Variants in AGMO observed in about 807,000 individuals in gnomAD.
The protein encoded by AGMO is alkylglycerol monooxygenase.
Under a neutral mutation model 60.2 loss-of-function variants are expected in AGMO, and 75 were observed. The ratio of observed to expected loss-of-function variants is 1.25; its 90% CI spans 1.03 to 1.51. The LOEUF is 1.51. AGMO is among the 40% of genes most tolerant of loss of function. The pLI, the probability that AGMO is intolerant of heterozygous loss-of-function variation, is 0.00. For synonymous variants in AGMO, 261 were observed against 177.1 expected (o/e 1.47, Z -3.76); for missense variants, 763 against 525.5 (o/e 1.45, Z -4.42).
intron 3 of AGMO, among the ~76,000 whole-genome samples, chr7:15,478,036 T>C (rs11766612): frequency 0.2 from 30,025 of 152,012 alleles, 3,790 homozygotes; most frequent in African/African-American, 0.36. Flanking sequence ...AAGGGACACA[T>C]ATTCTTCAGA....
chr7:15,554,939 A>T (rs1433591163), intron 2 of AGMO, among the ~76,000 whole-genome samples: 4 of 151,920 alleles, frequency 2.6e-5, no homozygotes, highest in African/African-American at 9.7e-5. Flanking sequence ...AAGCTGAATG[A>T]GCCCTAAAAC....
the AGMO span, among the ~76,000 whole-genome samples, chr7:15,183,672 CA>C: frequency 6.6e-6 from 1 of 152,168 alleles, no homozygotes; most frequent in African/African-American, 2.4e-5. Flanking sequence ...AGATGGAAGT[CA>C]TTGCTACTTA....
intron 12 of AGMO, among the ~76,000 whole-genome samples, chr7:15,323,192 C>G (rs1178268990): frequency 2.0e-5 from 3 of 151,994 alleles, no homozygotes; most frequent in African/African-American, 7.2e-5. Context: ...TTGTTTCTCA[C>G]AGTGCAGATG....
intron 10 of AGMO, among the ~76,000 whole-genome samples, chr7:15,376,032 G>T (rs912058092): frequency 2.0e-5 from 3 of 152,080 alleles, no homozygotes; most frequent in African/African-American, 4.8e-5. Flanking sequence ...AAAAAATAAT[G>T]TATTTAGGAA....
chr7:15,360,904 A>T (rs1379437625), intron 12 of AGMO, among the ~76,000 whole-genome samples: 3 of 151,464 alleles, frequency 2.0e-5, no homozygotes, highest in African/African-American at 7.3e-5. Flanking sequence ...TCAGGTTATG[A>T]TCCTCATGAA....
intron 12 of AGMO, among the ~76,000 whole-genome samples, chr7:15,230,328 C>T (rs1044544708): frequency 1.3e-5 from 2 of 151,968 alleles, no homozygotes; most frequent in East Asian, 3.9e-4. Context: ...TGGTTGTCTG[C>T]AAAATTTAAG....
At chr7:15,302,151 A>G (rs1279576081) in intron 12 of AGMO, among the ~76,000 whole-genome samples, 1 of 152,212 alleles carries the variant, frequency 6.6e-6, no homozygotes, top group Non-Finnish European at 1.5e-5. Flanking sequence ...TTTTGAGTCA[A>G]TGAATTAATT....
chr7:15,145,248 C>T, the AGMO span, among the ~76,000 whole-genome samples: 1 of 152,120 alleles, frequency 6.6e-6, no homozygotes, highest in Non-Finnish European at 1.5e-5. Context: ...TTTCAACTTG[C>T]TTCCTACTAA....
chr7:15,531,154 ATATATTCTATATATATATTC>A (rs1784324080), intron 3 of AGMO, among the ~76,000 whole-genome samples: 1 of 72,460 alleles, frequency 1.4e-5, no homozygotes, highest in African/African-American at 5.8e-5. Context: ...TATATTCTAT[ATATATTCTATATATATATTC>A]TATATATTCT....
chr7:15,285,330 T>C (rs564967984), intron 12 of AGMO, among the ~76,000 whole-genome samples: 1 of 151,848 alleles, frequency 6.6e-6, no homozygotes, highest in Non-Finnish European at 1.5e-5. Flanking sequence ...TAGAAAGCTG[T>C]AAAGATTACT....
chr7:15,293,240 T>G (rs1784323435), intron 12 of AGMO, among the ~76,000 whole-genome samples: 1 of 152,140 alleles, frequency 6.6e-6, no homozygotes, highest in African/African-American at 2.4e-5. Context: ...TCCCTGTCCT[T>G]CATTAGTAAA....
chr7:15,251,703 C>T (rs1782943125), intron 12 of AGMO, among the ~76,000 whole-genome samples: 1 of 152,288 alleles, frequency 6.6e-6, no homozygotes, highest in East Asian at 1.9e-4. Context: ...TAGTGTTAGA[C>T]ATTCCTCCCA....
At chr7:15,289,605 ATTT>A (rs1032487475) in intron 12 of AGMO, among the ~76,000 whole-genome samples, 4 of 151,992 alleles carry the variant, frequency 2.6e-5, no homozygotes, top group Non-Finnish European at 5.9e-5. Flanking sequence ...AGTTTATAAT[ATTT>A]TTTAATAATA....
Position 15,390,720 on chromosome 7 carries a change from A to G in AGMO, c.773T>C (p.Val258Ala), listed in dbSNP as rs774243718. 1.2e-6 allele frequency: 2 copies of G among 1,611,574 alleles called. No individual in the cohort carries two copies. The highest frequency in any genetic ancestry group is 2.7e-5 in the African/African-American group (2 of 74,888). Reference sequence around the variant, plus strand: ...ATTAATGGGATGTGTTAAGCCATATACAACTTTTTCATTTTCTGCTTCAAA... The same window carrying G: ...ATTAATGGGATGTGTTAAGCCATATGCAACTTTTTCATTTTCTGCTTCAAA... ...GTFEAENEKV[V>A]YGLTHPINTF... Residue 258 changes from valine to alanine, a missense_variant, in exon 8 of 13, where the codon GTA (valine) becomes GCA (alanine). Physicochemically the swap from Val to Ala is moderately conservative, Grantham distance 64 (BLOSUM62 0). Transcript: ENST00000342526.
intron 12 of AGMO, among the ~76,000 whole-genome samples, chr7:15,236,954 A>G (rs1371486349): frequency 1.3e-5 from 2 of 148,396 alleles, no homozygotes; most frequent in Non-Finnish European, 3.0e-5. Context: ...GAAATTGGTA[A>G]AAAAAATAAA....
intron 3 of AGMO, among the ~76,000 whole-genome samples, chr7:15,464,640 G>A (rs1782231682): frequency 6.6e-6 from 1 of 152,134 alleles, no homozygotes; most frequent in Admixed American, 6.5e-5. Context: ...AATGGGCCTA[G>A]AAAAATCTGA....
intron 12 of AGMO, among the ~76,000 whole-genome samples, chr7:15,334,551 C>A (rs1781593115): frequency 6.6e-6 from 1 of 152,016 alleles, no homozygotes; most frequent in South Asian, 2.1e-4. Flanking sequence ...TAGTTAATAC[C>A]AAAGGCTTTG....
intron 12 of AGMO, among the ~76,000 whole-genome samples, chr7:15,214,846 T>C (rs1405281947): frequency 3.3e-5 from 5 of 152,078 alleles, no homozygotes; most frequent in Admixed American, 6.6e-5. Context: ...TTTATCTTAA[T>C]ACACAGAAGA....
At chr7:15,352,137 A>G (rs546869108) in intron 12 of AGMO, among the ~76,000 whole-genome samples, 48 of 152,220 alleles carry the variant, frequency 3.2e-4, no homozygotes, top group Non-Finnish European at 6.5e-4. Context: ...TCCAGTATTT[A>G]GAACCATTTC....
Sources: gnomAD v4.1 joint callset for allele counts (sites outside exome capture counted in the v4.1 genomes callset) on GRCh38, gnomAD v4.1.1 for gene constraint, MANE v1.5 for transcripts, NCBI Gene and HGNC (gene_info 2026-07-23, HGNC 2026-07-21) for gene names.